The following KCNT2 variants were observed in gnomAD, a reference collection of about 807,000 sequenced individuals.
The protein encoded by KCNT2 is potassium sodium-activated channel subfamily T member 2.
In KCNT2, 67 loss-of-function variants were observed where a neutral mutation model predicts 153.8. The ratio of observed to expected loss-of-function variants is 0.44; its 90% CI spans 0.36 to 0.53. The LOEUF (loss-of-function observed/expected upper bound fraction) is 0.53, where lower values mean the gene tolerates loss of function less well. Among genes scored for constraint, KCNT2 ranks in the 20% least tolerant of loss-of-function variants. The pLI, the probability that KCNT2 is intolerant of heterozygous loss-of-function variation, is 0.00. For synonymous variants in KCNT2, 500 were observed against 458.8 expected, an observed-to-expected ratio of 1.09 and a Z score of -1.15; for missense variants, 975 against 1,354.8, an observed-to-expected ratio of 0.72 and a Z score of 4.40.
chr1:196,297,856 A>G (rs1660818919), intron 22 of KCNT2, among the ~76,000 whole-genome samples: 1 of 152,098 alleles, frequency 6.6e-6, no homozygotes, highest in Admixed American at 6.6e-5. Flanking sequence ...GTTTTCATAT[A>G]TCTGTGTCAC....
At chr1:196,495,413 T>C (rs1031258673) in intron 1 of KCNT2, among the ~76,000 whole-genome samples, 4 of 152,162 alleles carry the variant, frequency 2.6e-5, no homozygotes, top group African/African-American at 4.8e-5. Context: ...CCAAAGTTTT[T>C]CATGATTTAA....
chr1:196,425,092 A>T (rs1673538523), intron 11 of KCNT2, among the ~76,000 whole-genome samples: 1 of 152,036 alleles, frequency 6.6e-6, no homozygotes, highest in African/African-American at 2.4e-5. Context: ...AGCAGAAAAT[A>T]TTGAGCAAAA....
At chr1:196,476,650 G>A (rs945570228) in intron 5 of KCNT2, among the ~76,000 whole-genome samples, 2 of 152,144 alleles carry the variant, frequency 1.3e-5, no homozygotes, top group African/African-American at 4.8e-5. Flanking sequence ...ACTCCCAAAA[G>A]ACAATGGAGA....
chr1:196,296,381 TTGATTA>T (rs1250301064), intron 22 of KCNT2, among the ~76,000 whole-genome samples: 1 of 152,006 alleles, frequency 6.6e-6, no homozygotes, highest in African/African-American at 2.4e-5. Context: ...CTGATACAGT[TTGATTA>T]TAACAATGAA....
At chr1:196,295,133 T>C (rs949584983) in intron 22 of KCNT2, among the ~76,000 whole-genome samples, 1 of 151,536 alleles carries the variant, frequency 6.6e-6, no homozygotes, top group Non-Finnish European at 1.5e-5. Flanking sequence ...TGTAAATATA[T>C]ATATGTGTAT....
At chr1:196,587,427 G>A (rs185798054) in intron 1 of KCNT2, among the ~76,000 whole-genome samples, 2 of 152,044 alleles carry the variant, frequency 1.3e-5, no homozygotes, top group East Asian at 3.9e-4. Context: ...ACCCTCAACA[G>A]CTCTAATATA....
At chr1:196,230,497 C>A (rs1653856600) in intron 27 of KCNT2, among the ~76,000 whole-genome samples, 1 of 152,014 alleles carries the variant, frequency 6.6e-6, no homozygotes, top group African/African-American at 2.4e-5. Flanking sequence ...GCTAACACAA[C>A]ATCTATTCTG....
At position 196,258,287 on chromosome 1, in the gene KCNT2, G is replaced by A; in HGVS notation, c.3118C>T (p.Arg1040Ter). ...TCTGACCTCCTGTAGAGGTTCAGTCGCTGCTGGGTTATTTTTTCAGCTGTT... is the reference window on the plus strand; with the variant it reads ...TCTGACCTCCTGTAGAGGTTCAGTCACTGCTGGGTTATTTTTTCAGCTGTT... ...GKTAEKITQQ[R>*]LNLYRRSERQ... is the part of the protein sequence containing the mutation. Residue 1040 changes from arginine to a stop codon, truncating the protein, a stop_gained, in exon 26 of 28, where the codon CGA becomes TGA. Transcript: ENST00000294725. LOFTEE classifies it high-confidence loss of function. 1 of 1,613,980 alleles carries A rather than the reference G, an allele frequency of 6.2e-7. No individual in the cohort carries two copies. The highest frequency in any genetic ancestry group is 8.5e-7 in the Non-Finnish European group (1 of 1,179,952).
At chr1:196,486,265 C>T (rs1017618168) in intron 3 of KCNT2, among the ~76,000 whole-genome samples, 1 of 151,654 alleles carries the variant, frequency 6.6e-6, no homozygotes, top group Admixed American at 6.6e-5. Flanking sequence ...TTGTAATATG[C>T]ATGAAACATT....
chr1:196,417,208 A>C (rs1318987991), intron 12 of KCNT2, among the ~76,000 whole-genome samples: 1 of 152,128 alleles, frequency 6.6e-6, no homozygotes, highest in African/African-American at 2.4e-5. Flanking sequence ...TATATAAAAA[A>C]CACAGGCAGT....
At chr1:196,257,942 A>G in intron 26 of KCNT2, 1 of 1,121,734 alleles carries the variant, frequency 8.9e-7, no homozygotes, top group Non-Finnish European at 1.1e-6. Flanking sequence ...TTTTGTGAAA[A>G]TTAAAATTAA....
intron 14 of KCNT2, among the ~76,000 whole-genome samples, chr1:196,363,492 A>G (rs1667790770): frequency 6.6e-6 from 1 of 152,094 alleles, no homozygotes; most frequent in African/African-American, 2.4e-5. Flanking sequence ...CCTAAAGTTC[A>G]TGTGTTGGAA....
At chr1:196,434,442 T>C (rs549933727) in intron 8 of KCNT2, among the ~76,000 whole-genome samples, 29 of 152,018 alleles carry the variant, frequency 1.9e-4, no homozygotes, top group Non-Finnish European at 4.4e-5. Flanking sequence ...AAAAGTCTCC[T>C]ACTGTGCTTC....
chr1:196,388,520 C>A (rs1670196891), intron 13 of KCNT2, among the ~76,000 whole-genome samples: 1 of 151,472 alleles, frequency 6.6e-6, no homozygotes, highest in Admixed American at 6.6e-5. Flanking sequence ...AATCTTTTAA[C>A]CCTTGAAGTA....
intron 1 of KCNT2, among the ~76,000 whole-genome samples, chr1:196,602,005 TGAAAAG>T (rs1386957850): frequency 2.6e-5 from 4 of 152,130 alleles, no homozygotes; most frequent in Non-Finnish European, 5.9e-5. Flanking sequence ...TAAGATTCTG[TGAAAAG>T]GATTTTTTTC....
intron 22 of KCNT2, among the ~76,000 whole-genome samples, chr1:196,304,358 T>C (rs1314682492): frequency 6.6e-6 from 1 of 152,148 alleles, no homozygotes; most frequent in Non-Finnish European, 1.5e-5. Flanking sequence ...GATTTAACTA[T>C]TTATTTATTT....
intron 23 of KCNT2, among the ~76,000 whole-genome samples, chr1:196,285,324 A>AT (rs564281048): frequency 4.0e-4 from 60 of 151,540 alleles, no homozygotes; most frequent in Non-Finnish European, 7.8e-4. Context: ...TAAGTTGGTA[A>AT]TTTTTTTTTA....
intron 1 of KCNT2, among the ~76,000 whole-genome samples, chr1:196,594,621 G>C (rs1295184888): frequency 6.6e-6 from 1 of 152,046 alleles, no homozygotes; most frequent in African/African-American, 2.4e-5. Context: ...AAAAATATAA[G>C]CATAATTATA....
chr1:196,460,895 T>G (rs1382274358), intron 8 of KCNT2, among the ~76,000 whole-genome samples: 1 of 151,786 alleles, frequency 6.6e-6, no homozygotes, highest in Non-Finnish European at 1.5e-5. Flanking sequence ...TTATTTTGTT[T>G]TCAAAAATTA....
Sources: gnomAD v4.1 joint callset for allele counts (sites outside exome capture counted in the v4.1 genomes callset) on GRCh38, gnomAD v4.1.1 for gene constraint, MANE v1.5 for transcripts, NCBI Gene and HGNC (gene_info 2026-07-23, HGNC 2026-07-21) for gene names.